The following CAMK1D variants were observed in gnomAD, a reference collection of about 807,000 sequenced individuals.
The protein encoded by CAMK1D is calcium/calmodulin dependent protein kinase ID, also known as calcium/calmodulin-dependent protein kinase type 1D.
A neutral mutation model predicts 47.7 loss-of-function variants in CAMK1D; 9 were observed. The ratio of observed to expected loss-of-function variants is 0.19; its 90% CI spans 0.11 to 0.33. CAMK1D has a LOEUF of 0.33. Ranked by LOEUF, CAMK1D falls within the 10% of genes least tolerant of loss-of-function variation. The pLI is 1.00. For missense variants in CAMK1D, 291 were observed against 488.7 expected (o/e 0.60, Z 3.81); for synonymous variants, 184 against 184.9 (o/e 0.99, Z 0.04).
At chr10:12,459,472 C>G (rs1200185503) in intron 1 of CAMK1D, among the ~76,000 whole-genome samples, 5 of 151,910 alleles carry the variant, frequency 3.3e-5, no homozygotes, top group African/African-American at 1.2e-4. Flanking sequence ...AAAAATTCCT[C>G]TTCACTGTGA....
intron 1 of CAMK1D, among the ~76,000 whole-genome samples, chr10:12,520,797 C>T (rs1276246612): frequency 2.1e-5 from 1 of 46,752 alleles, no homozygotes; most frequent in Non-Finnish European, 4.2e-5. Flanking sequence ...GGCGTGGCAG[C>T]GCGCGCCTGC....
At chr10:12,599,887 C>T (rs1279887439) in intron 2 of CAMK1D, among the ~76,000 whole-genome samples, 1 of 152,172 alleles carries the variant, frequency 6.6e-6, no homozygotes, top group Non-Finnish European at 1.5e-5. Flanking sequence ...GGCAAACAAA[C>T]AAACAAATAA....
At chr10:12,687,612 T>A (rs1216599071) in intron 3 of CAMK1D, among the ~76,000 whole-genome samples, 1 of 152,178 alleles carries the variant, frequency 6.6e-6, no homozygotes, top group African/African-American at 2.4e-5. Flanking sequence ...ACCAAAGGCA[T>A]ATGTACAGCT....
intron 4 of CAMK1D, among the ~76,000 whole-genome samples, chr10:12,768,750 C>T (rs927935170): frequency 2.0e-5 from 3 of 151,962 alleles, no homozygotes; most frequent in African/African-American, 4.8e-5. Context: ...TCAAGGCCCA[C>T]GCAGCAGTGC....
At chr10:12,580,074 T>C (rs919668231) in intron 2 of CAMK1D, among the ~76,000 whole-genome samples, 3 of 152,182 alleles carry the variant, frequency 2.0e-5, no homozygotes, top group Admixed American at 1.3e-4. Context: ...TGCCATCTCC[T>C]CTGGGGAGGA....
intron 8 of CAMK1D, among the ~76,000 whole-genome samples, chr10:12,823,748 G>T (rs1055951440): frequency 6.6e-6 from 1 of 152,116 alleles, no homozygotes; most frequent in South Asian, 2.1e-4. Context: ...GGTGGACGCC[G>T]TCCTTGAAGT....
At chr10:12,404,390 A>G (rs1180697278) in intron 1 of CAMK1D, among the ~76,000 whole-genome samples, 1 of 152,226 alleles carries the variant, frequency 6.6e-6, no homozygotes, top group Admixed American at 6.5e-5. Context: ...AGAAACTCCT[A>G]ACTGGGCAAA....
At position 12,563,710 on chromosome 10, in the gene CAMK1D, G is replaced by GGAGA. The variant is rs1346622990; in HGVS notation, c.224+10361_224+10364dup. Among the ~76,000 whole-genome samples, 79 of 119,124 alleles carry GGAGA rather than the reference G, an allele frequency of 6.6e-4. 1 individual carries two copies. Among genetic ancestry groups the GGAGA allele is most frequent in the African/African-American group, 2.5e-3 (78 of 30,904 alleles). 78.1% of individuals were successfully genotyped at this position (119,124 alleles called of 152,430 possible). ...GAGAGAGAGAGAGAGGGAGAGAGAG[G>GGAGA]GAGAGAGAGAATGAGGATTCCTTTA... On this transcript the variant is annotated intron_variant, in intron 2 of 10. Coordinates refer to ENST00000619168, the MANE Select transcript of CAMK1D (RefSeq NM_153498.4).
chr10:12,494,747 T>G (rs1043769444), intron 1 of CAMK1D, among the ~76,000 whole-genome samples: 4 of 152,122 alleles, frequency 2.6e-5, no homozygotes, highest in African/African-American at 9.7e-5. Context: ...TTTTGTATTT[T>G]TAGTAGAGAT....
At chr10:12,419,215 T>G (rs1839961727) in intron 1 of CAMK1D, among the ~76,000 whole-genome samples, 1 of 151,756 alleles carries the variant, frequency 6.6e-6, no homozygotes, top group African/African-American at 2.4e-5. Flanking sequence ...ACAGCCATGA[T>G]CTCATGAATA....
chr10:12,754,735 T>G (rs1483202270), intron 3 of CAMK1D, among the ~76,000 whole-genome samples: 1 of 152,222 alleles, frequency 6.6e-6, no homozygotes, highest in Non-Finnish European at 1.5e-5. Context: ...GGCTGTCTTC[T>G]TGCTGAGTCC....
chr10:12,760,667 A>T (rs943450812), intron 3 of CAMK1D: 1 of 281,688 alleles, frequency 3.6e-6, no homozygotes, highest in Admixed American at 4.5e-5. Flanking sequence ...TAAACTTTAC[A>T]TCATCACAGC....
At chr10:12,546,799 G>A (rs987455221) in intron 1 of CAMK1D, among the ~76,000 whole-genome samples, 3 of 150,464 alleles carry the variant, frequency 2.0e-5, no homozygotes, top group East Asian at 1.9e-4. Flanking sequence ...ATCACACACC[G>A]GGGACTGTTG....
At chr10:12,442,410 G>A (rs1832809660) in intron 1 of CAMK1D, among the ~76,000 whole-genome samples, 1 of 152,062 alleles carries the variant, frequency 6.6e-6, no homozygotes, top group Non-Finnish European at 1.5e-5. Context: ...GAACCCGGGA[G>A]GCAGAGCTTG....
chr10:12,606,233 C>T (rs1838458217), intron 2 of CAMK1D, among the ~76,000 whole-genome samples: 3 of 152,186 alleles, frequency 2.0e-5, no homozygotes, highest in Admixed American at 6.5e-5. Flanking sequence ...TCGGGCATCA[C>T]TTTCTGCTCT....
At chr10:12,675,872 A>G (rs1050030372) in intron 3 of CAMK1D, among the ~76,000 whole-genome samples, 3 of 152,102 alleles carry the variant, frequency 2.0e-5, no homozygotes, top group African/African-American at 7.2e-5. Flanking sequence ...CAAACATACC[A>G]GGCCAGTACT....
intron 3 of CAMK1D, among the ~76,000 whole-genome samples, chr10:12,735,372 G>A (rs1017486946): frequency 4.6e-5 from 7 of 152,212 alleles, no homozygotes; most frequent in African/African-American, 1.4e-4. Flanking sequence ...CAGCTACTCG[G>A]GAGGCTGAGG....
intron 3 of CAMK1D, among the ~76,000 whole-genome samples, chr10:12,750,169 T>C (rs1451975225): frequency 1.3e-5 from 2 of 152,184 alleles, no homozygotes; most frequent in Non-Finnish European, 2.9e-5. Flanking sequence ...TTCCCATGAT[T>C]TAATTGTTTT....
chr10:12,404,834 A>G (rs913104845), intron 1 of CAMK1D, among the ~76,000 whole-genome samples: 1 of 151,810 alleles, frequency 6.6e-6, no homozygotes, highest in African/African-American at 2.4e-5. Flanking sequence ...GACTGCAAGC[A>G]TGCGCCACCA....
Sources: allele counts gnomAD v4.1 joint callset (sites outside exome capture counted in the v4.1 genomes callset), GRCh38; gene constraint gnomAD v4.1.1; transcripts MANE v1.5; gene names NCBI Gene and HGNC (gene_info 2026-07-23, HGNC 2026-07-21).